The following ZSCAN12 variants were observed in gnomAD, a reference collection of about 807,000 sequenced individuals.
ZSCAN12 encodes zinc finger and SCAN domain-containing protein 12.
Under a neutral mutation model 23.4 loss-of-function variants are expected in ZSCAN12, and 18 were observed. That is an observed-to-expected ratio of 0.77 (90% CI 0.53 to 1.14). The LOEUF (loss-of-function observed/expected upper bound fraction) is 1.14. Among genes scored for constraint, ZSCAN12 ranks in the 50% most tolerant of loss-of-function variants. The pLI is 0.00. For synonymous variants in ZSCAN12, 186 were observed against 253.4 expected (o/e 0.73, Z 2.53); for missense variants, 650 against 735.0 (o/e 0.88, Z 1.34).
In ZSCAN12 at chr6:28,389,162, TAAAAG is replaced by T. The variant is rs1369826504; in HGVS notation, c.*1287_*1291del. 1.3e-5 allele frequency among the ~76,000 whole-genome samples: 2 copies of T among 152,076 alleles called. No homozygotes were observed. The highest frequency in any genetic ancestry group is 4.8e-5 in the African/African-American group (2 of 41,384). On this transcript the variant is annotated 3_prime_UTR_variant, in exon 4 of 4. Coordinates refer to ENST00000684592, the MANE Select transcript of ZSCAN12 (RefSeq NM_001163391.2). ...TAGTGCTAACATGAGATCTGAGAAA[TAAAAG>T]AAGGTAAAGCATAAAACAGAGAAGA...
chr6:28,383,224 A>G (rs1581760169), downstream of ZSCAN12, among the ~76,000 whole-genome samples: 3 of 152,262 alleles, frequency 2.0e-5, no homozygotes, highest in South Asian at 6.2e-4. Context: ...CAAACGGGGA[A>G]CCCAGACTCC....
rs953583009 is a variant in ZSCAN12 at position 28,388,517 on chromosome 6, G to A, written c.*1937C>T. Among the ~76,000 whole-genome samples the A allele has an allele frequency of 1.1e-4, 16 of 152,140 alleles. No homozygotes were observed. The highest frequency in any genetic ancestry group is 3.6e-4 in the African/African-American group (15 of 41,410). On this transcript the variant is annotated 3_prime_UTR_variant, in exon 4 of 4. Transcript: ENST00000684592. ...ACCCAGGGATGAAATTCTATACAGGGTTTATGGCTAGAGAGGCAAGAGACA... is the reference window on the plus strand; with the variant it reads ...ACCCAGGGATGAAATTCTATACAGGATTTATGGCTAGAGAGGCAAGAGACA...
rs1420297368 is a variant in ZSCAN12 at position 28,391,715 on chromosome 6, T to C, written c.575A>G (p.Tyr192Cys). 1 of 1,540,390 alleles carries C rather than the reference T, an allele frequency of 6.5e-7. No homozygotes were observed. The highest frequency in any genetic ancestry group is 8.7e-7 in the Non-Finnish European group (1 of 1,144,984). Residue 192 changes from tyrosine (Y) to cysteine (C), a missense_variant, in exon 4 of 4, where the codon TAT becomes TGT. Transcript: ENST00000684592. This position sits in a 1 kb window ranked among gnomAD's most constrained non-coding sequence, Gnocchi z 4.1. ...AGAAACTTCTTGCTTTAAATTCCCA[T>C]ACTCATTTCCAGTCTCAACATCTAA... ...QVLDVETGNEYGNLKQEVSEE... is the reference protein window; with the variant it reads ...QVLDVETGNECGNLKQEVSEE...
Position 28,385,073 on chromosome 6 carries a change from T to C in ZSCAN12, c.*5381A>G, listed in dbSNP as rs1038591758. Among the ~76,000 whole-genome samples, 1 of 152,084 alleles carries C rather than the reference T, an allele frequency of 6.6e-6. No individual in the cohort carries two copies. The highest frequency in any genetic ancestry group is 2.4e-5 in the African/African-American group (1 of 41,390). Reference sequence around the variant, plus strand: ...AGAAAAATATCATATATCACATATATGTGTGTGTGTGCATTTTTAAATCCA... The same window carrying C: ...AGAAAAATATCATATATCACATATACGTGTGTGTGTGCATTTTTAAATCCA... On this transcript the variant is annotated 3_prime_UTR_variant, in exon 4 of 4. Transcript: ENST00000684592.
intron 2 of ZSCAN12, among the ~76,000 whole-genome samples, chr6:28,396,062 C>G (rs1437776313): frequency 6.6e-6 from 1 of 150,564 alleles, no homozygotes; most frequent in Non-Finnish European, 1.5e-5. Context: ...CTGTGTCGCC[C>G]AGGCTGGAGT....
Position 28,391,129 on chromosome 6 carries a change from C to G in ZSCAN12, c.1161G>C (p.Gln387His). The G allele has an allele frequency of 6.4e-7, 1 of 1,552,160 alleles. No homozygotes were observed. The change falls in exon 4 of 4, where the codon CAG becomes CAC. Residue 387 changes from glutamine (Q) to histidine (H), a missense_variant. By Grantham distance (24) the Gln-to-His change is conservative (BLOSUM62 0). Transcript: ENST00000684592. This position sits in a 1 kb window ranked among gnomAD's most constrained non-coding sequence, Gnocchi z 4.1. ...TAAAACTTTTATTACACTGAGTGCACTGATAAGGTTTGTCTCTTGTGTGGA... is the reference window on the plus strand; with the variant it reads ...TAAAACTTTTATTACACTGAGTGCAGTGATAAGGTTTGTCTCTTGTGTGGA... ...IKIHTRDKPYQCTQCNKSFSR... is the reference protein window; with the variant it reads ...IKIHTRDKPYHCTQCNKSFSR...
intron 2 of ZSCAN12, among the ~76,000 whole-genome samples, chr6:28,395,553 TTACTCCTA>T (rs1761065416): frequency 1.3e-5 from 2 of 152,214 alleles, no homozygotes; most frequent in Admixed American, 1.3e-4. Flanking sequence ...CCTCTACCTT[TTACTCCTA>T]TGGCTACCCC....
intron 3 of ZSCAN12, 33 bp downstream of exon 3, chr6:28,392,869 C>T: frequency 6.5e-7 from 1 of 1,550,102 alleles, no homozygotes; most frequent in Non-Finnish European, 8.7e-7. Flanking sequence ...ACCCATCTTC[C>T]CCTTCCTCCC....
In ZSCAN12 at chr6:28,384,828, T is replaced by C; in HGVS notation, c.*5626A>G. 6.6e-6 allele frequency among the ~76,000 whole-genome samples: 1 copy of C among 152,086 alleles called. No individual in the cohort carries two copies. The highest frequency in any genetic ancestry group is 1.9e-4 in the East Asian group (1 of 5,202). ...TCCTTACCAAACGCACACAGAACGT[T>C]TGAGAGGGAGAGGATCCAAAGAAAT... is the stretch of plus-strand genomic sequence containing the variant. On this transcript the variant is annotated 3_prime_UTR_variant, in exon 4 of 4. Transcript: ENST00000684592.
chr6:28,398,126 A>G lies in ZSCAN12; in HGVS notation c.280T>C (p.Phe94Leu), dbSNP rs755778118. Reference protein sequence around the residue: ...QILELLVLEQFLTILPEELQA... With the variant: ...QILELLVLEQLLTILPEELQA... ...AGCTCCTCAGGTAGGATGGTCAGGAACTGCTCCAGCACCAGCAGCTCCAGA... is the reference window on the plus strand; with the variant it reads ...AGCTCCTCAGGTAGGATGGTCAGGAGCTGCTCCAGCACCAGCAGCTCCAGA... The change falls in exon 2 of 4, where the codon TTC (phenylalanine) becomes CTC (leucine). Residue 94 changes from phenylalanine to leucine, a missense_variant. Physicochemically the swap from Phe to Leu is conservative, Grantham distance 22. Transcript: ENST00000684592. 8.7e-6 allele frequency: 14 copies of G among 1,614,042 alleles called. No homozygotes were observed. In the South Asian group the frequency reaches 1.5e-4, roughly 18 times the overall value.
chr6:28,383,766 T>G (rs1167147861), downstream of ZSCAN12, among the ~76,000 whole-genome samples: 1 of 152,154 alleles, frequency 6.6e-6, no homozygotes, highest in Non-Finnish European at 1.5e-5. Context: ...TGCTCATCAG[T>G]TCTCCAGCAG....
rs1172528268 is a variant in ZSCAN12, at chr6:28,388,453, C to T, written c.*2001G>A. Among the ~76,000 whole-genome samples the T allele has an allele frequency of 6.6e-6, 1 of 152,092 alleles. No homozygotes were observed. Among genetic ancestry groups the T allele is most frequent in the African/African-American group, 2.4e-5 (1 of 41,406 alleles). ...TTCATATTTACAACTTAGCTAGAAA[C>T]ATAATATTCCTATAGGACCAGAGAC... On this transcript the variant is annotated 3_prime_UTR_variant, in exon 4 of 4. Coordinates refer to ENST00000684592, the MANE Select transcript of ZSCAN12 (RefSeq NM_001163391.2).
chr6:28,382,619 A>G, downstream of ZSCAN12: 1 of 1,551,102 alleles, frequency 6.4e-7, no homozygotes, highest in Non-Finnish European at 8.7e-7. Flanking sequence ...CCTGAGGCAT[A>G]AAATAACAAT....
At position 28,388,681 on chromosome 6, in the gene ZSCAN12, C is replaced by G. The variant is rs1760669103; in HGVS notation, c.*1773G>C. On this transcript the variant is annotated 3_prime_UTR_variant, in exon 4 of 4. Transcript: ENST00000684592. ...TGCAGATTACCCTTCTTTTATTTTT[C>G]CCCTTCCCCTTTTGTCACTGTCTCA... 6.6e-6 allele frequency among the ~76,000 whole-genome samples: 1 copy of G among 152,076 alleles called. No homozygotes were observed. The highest frequency in any genetic ancestry group is 6.6e-5 in the Admixed American group (1 of 15,262).
chr6:28,393,669 T>G (rs1760970923), intron 2 of ZSCAN12, among the ~76,000 whole-genome samples: 2 of 145,672 alleles, frequency 1.4e-5, no homozygotes, highest in Admixed American at 7.0e-5. Context: ...TGAGCCCAGT[T>G]CAAGGTTATA....
At chr6:28,379,213 CT>C (rs1418593820) in exon 5 of ZSCAN12, 1 of 152,162 alleles carries the variant, frequency 6.6e-6, no homozygotes, top group African/African-American at 2.4e-5. Flanking sequence ...AAGCAAGTTA[CT>C]TATTAGTCTT....
In ZSCAN12 at chr6:28,391,065, T is replaced by A; in HGVS notation, c.1225A>T (p.Thr409Ser). The part of the protein sequence containing the change: ...SILTQHQGVH[T>S]GAKPYECNEC... ...TTGCACTCATACGGCTTGGCGCCGG[T>A]ATGAACTCCTTGATGCTGAGTAAGT... Residue 409 changes from threonine to serine, a missense_variant, in exon 4 of 4, where the codon ACC (threonine) becomes TCC (serine). Thr to Ser is a moderately conservative substitution (Grantham distance 58). Coordinates refer to ENST00000684592, the MANE Select transcript of ZSCAN12 (RefSeq NM_001163391.2). This position sits in a 1 kb window ranked among gnomAD's most constrained non-coding sequence, Gnocchi z 4.1. The A allele has an allele frequency of 1.3e-6, 2 of 1,553,820 alleles. No homozygotes were observed. The highest frequency in any genetic ancestry group is 1.7e-6 in the Non-Finnish European group (2 of 1,147,930).
rs1291203745 is a variant in ZSCAN12, at chr6:28,398,212, C to T, written c.194G>A (p.Ser65Asn). Reference sequence around the variant, plus strand: ...CTGATGGCAAAGTTCTCGGAGTCGGCTCAAAGCCTCACGGGGACCAGATGT... The same window carrying T: ...CTGATGGCAAAGTTCTCGGAGTCGGTTCAAAGCCTCACGGGGACCAGATGT... ...QETSGPREAL[S>N]RLRELCHQWL... Residue 65 changes from serine to asparagine, a missense_variant, in exon 2 of 4, where the codon AGC becomes AAC. Ser to Asn is a conservative substitution (Grantham distance 46). Transcript: ENST00000684592. 4 of 1,614,074 alleles carry T rather than the reference C, an allele frequency of 2.5e-6. No individual in the cohort carries two copies. Among genetic ancestry groups the T allele is most frequent in the Non-Finnish European group, 3.4e-6 (4 of 1,179,992 alleles).
At position 28,390,540 on chromosome 6, in the gene ZSCAN12, T is replaced by G. The variant is rs1326028272; in HGVS notation, c.1750A>C (p.Lys584Gln). 3.2e-6 allele frequency: 5 copies of G among 1,564,048 alleles called. No individual in the cohort carries two copies. In the East Asian group the frequency reaches 1.2e-4, roughly 38 times the overall value. ...IHNRRGTYVC[K>Q]ECGKSFRQNS... is the part of the protein sequence containing the mutation. ...TGCCTGAATGATTTCCCACACTCTT[T>G]ACATACATAGGTACCACGTCTATTA... is the stretch of plus-strand genomic sequence containing the variant. The change falls in exon 4 of 4, where the codon AAA (lysine) becomes CAA (glutamine). Residue 584 changes from lysine (K) to glutamine (Q), a missense_variant. Physicochemically the swap from Lys to Gln is moderately conservative, Grantham distance 53. Coordinates refer to ENST00000684592, the MANE Select transcript of ZSCAN12 (RefSeq NM_001163391.2).
Sources: gnomAD v4.1 joint callset for allele counts (sites outside exome capture counted in the v4.1 genomes callset) on GRCh38, gnomAD v4.1.1 for gene constraint, Gnocchi (gnomAD v3.1) non-coding constraint, MANE v1.5 for transcripts, NCBI Gene and HGNC (gene_info 2026-07-23, HGNC 2026-07-21) for gene names.